The following PBXIP1 variants were observed in gnomAD, a reference collection of about 807,000 sequenced individuals.
The protein encoded by PBXIP1 is pre-B-cell leukemia transcription factor-interacting protein 1.
A neutral mutation model predicts 73.7 loss-of-function variants in PBXIP1; 73 were observed. That is an observed-to-expected ratio of 0.99 (90% CI 0.82 to 1.20). The LOEUF is 1.20. Ranked by LOEUF, PBXIP1 falls within the 50% of genes most tolerant of loss-of-function variation. The pLI, the probability that PBXIP1 is intolerant of heterozygous loss-of-function variation, is 0.00. For synonymous variants in PBXIP1, 330 were observed against 366.9 expected (o/e 0.90, Z 1.15); for missense variants, 818 against 911.4 (o/e 0.90, Z 1.32).
At chr1:154,945,541 C>T in intron 10 of PBXIP1, 31 bp downstream of exon 10, 2 of 1,596,474 alleles carry the variant, frequency 1.3e-6, no homozygotes, top group Non-Finnish European at 1.7e-6. Context: ...GCCTCTGTCC[C>T]ACCCGACCCA....
Position 154,951,549 on chromosome 1 carries a change from A to C in PBXIP1, c.179-14T>G, listed in dbSNP as rs200045714. 1,658 of 1,612,440 alleles carry C rather than the reference A, an allele frequency of 1.0e-3. 4 individuals are homozygous for C. The highest frequency in any genetic ancestry group is 1.1e-3 in the Non-Finnish European group (1,276 of 1,178,816). ...GGAAGAGCGTCCCTGCGGTAGGAGA[A>C]AAGGCGCAGAAAAACCCACTGCCCC... On this transcript the variant is annotated splice_polypyrimidine_tract_variant and intron_variant, in intron 3 of 10. Coordinates refer to ENST00000368463, the MANE Select transcript of PBXIP1 (RefSeq NM_020524.4). This position sits in a 1 kb window ranked among gnomAD's most constrained non-coding sequence, Gnocchi z 4.3.
intron 9 of PBXIP1, chr1:154,947,028 A>G: frequency 1.8e-6 from 1 of 550,798 alleles, no homozygotes; most frequent in East Asian, 3.1e-5. Context: ...CTACATCTTT[A>G]TATAAGCACA....
chr1:154,949,416 T>A (rs1251885389), intron 5 of PBXIP1, among the ~76,000 whole-genome samples: 1 of 152,114 alleles, frequency 6.6e-6, no homozygotes. Context: ...TGAGCTCAAG[T>A]GATCCACCTG....
At chr1:154,947,828 G>A (rs1654881333) in intron 7 of PBXIP1, 116 bp from the exon 8 acceptor site, 1 of 1,390,526 alleles carries the variant, frequency 7.2e-7, no homozygotes. Flanking sequence ...TGGCTGAGCG[G>A]TTTGGTGAGA....
rs190653764 is a variant in PBXIP1, at chr1:154,951,086, C to T, written c.409+146G>A. 131 of 698,986 alleles carry T rather than the reference C, an allele frequency of 1.9e-4. No homozygotes were observed. In the African/African-American group the frequency reaches 2.2e-3, roughly 12 times the overall value. 43.3% of individuals were successfully genotyped at this position (698,986 alleles called of 1,614,324 possible). On this transcript the variant is annotated intron_variant, in intron 5 of 10. Transcript: ENST00000368463. The surrounding 1 kb of genome is among the most constrained non-coding windows in gnomAD (Gnocchi z 4.3). ...GTCATTCAACCTTTCTGGGCCTCAA[C>T]GTCCCAGGGGTAGTGGTGAGAAAGG...
chr1:154,953,884 G>C (rs1571403056), intron 1 of PBXIP1, 127 bp from the exon 2 acceptor site: 1 of 605,680 alleles, frequency 1.7e-6, no homozygotes, highest in Non-Finnish European at 2.9e-6. Flanking sequence ...CCTGGTTCCA[G>C]TCCTTCTCTC....
Position 154,945,712 on chromosome 1 carries a change from G to A in PBXIP1, c.1962C>T (p.Leu654=). 6.2e-7 allele frequency: 1 copy of A among 1,614,246 alleles called. No homozygotes were observed. The highest frequency in any genetic ancestry group is 8.5e-7 in the Non-Finnish European group (1 of 1,180,046). The stretch of plus-strand genomic sequence containing the variant: ...GGGCATCCACAAAATCCCGGAAGCG[G>A]AGGCGGTCATGACGGAAGATGCCAT... The part of the protein sequence containing the change: ...GEDGIFRHDR[L]RFRDFVDALE... The change falls in exon 10 of 11, where the codon CTC becomes CTT. Residue 654 remains leucine (L), a synonymous_variant. Transcript: ENST00000368463.
At chr1:154,945,299 C>A (rs1003009672) in intron 10 of PBXIP1, among the ~76,000 whole-genome samples, 182 bp from the exon 11 acceptor site, 4 of 152,154 alleles carry the variant, frequency 2.6e-5, no homozygotes, top group African/African-American at 9.7e-5. Context: ...ATGGGGATCT[C>A]CCTCGTCCCC....
intron 1 of PBXIP1, among the ~76,000 whole-genome samples, chr1:154,954,723 T>C (rs1322926866): frequency 6.6e-6 from 1 of 152,184 alleles, no homozygotes; most frequent in African/African-American, 2.4e-5. Context: ...AAAGCCTGAC[T>C]GACACAAAGC....
chr1:154,954,572 A>T (rs915872276), intron 1 of PBXIP1, among the ~76,000 whole-genome samples: 3 of 152,198 alleles, frequency 2.0e-5, no homozygotes, highest in African/African-American at 7.2e-5. Context: ...TGACTGGGAA[A>T]ATGGATTTAT....
chr1:154,953,771 C>T lies in PBXIP1; in HGVS notation c.-36-14G>A. ...TGTGGCTGCCACCTGCAGAAGAAAGCTCTCTTAAGGATGGGAGCTCCCTTC... is the reference window on the plus strand; with the variant it reads ...TGTGGCTGCCACCTGCAGAAGAAAGTTCTCTTAAGGATGGGAGCTCCCTTC... On this transcript the variant is annotated splice_polypyrimidine_tract_variant and intron_variant, in intron 1 of 10. Transcript: ENST00000368463. 1 of 1,582,046 alleles carries T rather than the reference C, an allele frequency of 6.3e-7. No homozygotes were observed.
chr1:154,951,794 C>A lies in PBXIP1; in HGVS notation c.178+1G>T, dbSNP rs1655013827. The stretch of plus-strand genomic sequence containing the variant: ...GCTATGTCCTAAGCAGGGCCCAGTA[C>A]CTTCTCCATCCATGGTCCCAGCTAA... On this transcript the variant is annotated splice_donor_variant, in intron 3 of 10. Transcript: ENST00000368463. LOFTEE classifies it high-confidence loss of function. This position sits in a 1 kb window ranked among gnomAD's most constrained non-coding sequence, Gnocchi z 4.3. 1 of 1,613,694 alleles carries A rather than the reference C, an allele frequency of 6.2e-7. No individual in the cohort carries two copies. The highest frequency in any genetic ancestry group is 1.7e-5 in the Admixed American group (1 of 59,874).
intron 2 of PBXIP1, among the ~76,000 whole-genome samples, chr1:154,952,237 C>A (rs1655030207): frequency 6.6e-6 from 1 of 152,174 alleles, no homozygotes. Flanking sequence ...GATGAACAAC[C>A]CAGATATTAT....
rs928458583 is a variant in PBXIP1, at chr1:154,944,178, G to A, written c.*846C>T. 1 of 152,204 alleles carries A rather than the reference G, an allele frequency of 6.6e-6. No individual in the cohort carries two copies. The highest frequency in any genetic ancestry group is 1.5e-5 in the Non-Finnish European group (1 of 68,032). The allele number at this position is 152,204 out of a possible 1,614,324, so 9.4% of individuals were successfully genotyped here. On this transcript the variant is annotated 3_prime_UTR_variant, in exon 11 of 11. Coordinates refer to ENST00000368463, the MANE Select transcript of PBXIP1 (RefSeq NM_020524.4). ...AGTTCCCAGAGATTAACTTGCCCAA[G>A]ATCACTTGGCCTGGATTTGAGCCTG...
At chr1:154,952,517 C>T (rs965362615) in intron 2 of PBXIP1, among the ~76,000 whole-genome samples, 1 of 152,202 alleles carries the variant, frequency 6.6e-6, no homozygotes, top group Admixed American at 6.5e-5. Context: ...GCCACACAGC[C>T]TCGGCCTCCT....
rs1162645739 is a variant in PBXIP1 at position 154,946,554 on chromosome 1, G to C, written c.1120C>G (p.Gln374Glu). The C allele has an allele frequency of 6.2e-7, 1 of 1,612,546 alleles. No individual in the cohort carries two copies. The part of the protein sequence containing the change: ...KAIREQGPRE[Q>E]EPELSFLKQK... ...TTCAGGAAGCTGAGTTCTGGCTCCT[G>C]CTCCCTGGGGCCTTGCTCCCTGATG... The change falls in exon 10 of 11, where the codon CAG becomes GAG. Residue 374 changes from glutamine (Q) to glutamate (E), a missense_variant. Gln to Glu is a conservative substitution (Grantham distance 29, BLOSUM62 2). Coordinates refer to ENST00000368463, the MANE Select transcript of PBXIP1 (RefSeq NM_020524.4).
At chr1:154,954,194 C>T (rs968170335) in intron 1 of PBXIP1, among the ~76,000 whole-genome samples, 1 of 152,226 alleles carries the variant, frequency 6.6e-6, no homozygotes, top group African/African-American at 2.4e-5. Flanking sequence ...CAGGTACCTA[C>T]ACAATCACTA....
At position 154,951,395 on chromosome 1, in the gene PBXIP1, G is replaced by T. The variant is rs550880336; in HGVS notation, c.246C>A (p.Gly82=). 2 of 1,613,968 alleles carry T rather than the reference G, an allele frequency of 1.2e-6. No homozygotes were observed. The highest frequency in any genetic ancestry group is 1.7e-6 in the Non-Finnish European group (2 of 1,179,994). ...SILTEETEVK[G]TLEGDVCGVE... is the part of the protein sequence containing the mutation. ...CACCACAAACATCACCTTCCAGGGT[G>T]CCCTAATGCAGATGCAGCAGTGAGC... The change falls in exon 5 of 11, where the codon GGC becomes GGA. Residue 82 remains glycine (G), a splice_region_variant and synonymous_variant. Transcript: ENST00000368463. This position sits in a 1 kb window ranked among gnomAD's most constrained non-coding sequence, Gnocchi z 4.3.
At position 154,944,921 on chromosome 1, in the gene PBXIP1, G is replaced by A. The variant is rs1315201025; in HGVS notation, c.*103C>T. ...TTGCTCTACTGTGTGAAAGATATCTGAGGACACCAAACAAGCCAGGACAGA... is the reference window on the plus strand; with the variant it reads ...TTGCTCTACTGTGTGAAAGATATCTAAGGACACCAAACAAGCCAGGACAGA... On this transcript the variant is annotated 3_prime_UTR_variant, in exon 11 of 11. Coordinates refer to ENST00000368463, the MANE Select transcript of PBXIP1 (RefSeq NM_020524.4). 3 of 900,398 alleles carry A rather than the reference G, an allele frequency of 3.3e-6. No individual in the cohort carries two copies. Among genetic ancestry groups the A allele is most frequent in the East Asian group, 4.8e-5 (2 of 41,386 alleles). The allele number at this position is 900,398 out of a possible 1,614,324, so 55.8% of individuals were successfully genotyped here.
Sources: gnomAD v4.1 joint callset for allele counts (sites outside exome capture counted in the v4.1 genomes callset) on GRCh38, gnomAD v4.1.1 for gene constraint, Gnocchi (gnomAD v3.1) non-coding constraint, MANE v1.5 for transcripts, NCBI Gene and HGNC (gene_info 2026-07-23, HGNC 2026-07-21) for gene names.